Variants in DOC2A observed in about 807,000 individuals in gnomAD.
DOC2A encodes double C2 domain alpha.
DOC2A carries 28 observed loss-of-function variants against 40.6 expected under a neutral mutation model. That is an observed-to-expected ratio of 0.69 (90% confidence interval 0.51 to 0.95). DOC2A has a LOEUF of 0.95. Ranked by LOEUF, DOC2A falls within the 40% of genes least tolerant of loss-of-function variation. DOC2A has a pLI of 0.00. For synonymous variants in DOC2A, 241 were observed against 236.9 expected (o/e 1.02, Z -0.16); for missense variants, 474 against 552.5 (o/e 0.86, Z 1.42).
rs375392348 is a variant in DOC2A at position 30,006,359 on chromosome 16, C to T, written c.1058-28G>A. The T allele has an allele frequency of 1.9e-4, 304 of 1,612,538 alleles. No individual in the cohort carries two copies. The highest frequency in any genetic ancestry group is 2.5e-4 in the Non-Finnish European group (296 of 1,179,824). On this transcript the variant is annotated intron_variant, in intron 10 of 10. Transcript: ENST00000350119. This position sits in a 1 kb window ranked among gnomAD's most constrained non-coding sequence, Gnocchi z 6.2. Reference sequence around the variant, plus strand: ...GGGGAGCAGGTGGGCAGGGTCAGGGCCACCTCCCTGCCACTTGCCCGCCCT... The same window carrying T: ...GGGGAGCAGGTGGGCAGGGTCAGGGTCACCTCCCTGCCACTTGCCCGCCCT...
Position 30,009,645 on chromosome 16 carries a change from T to G in DOC2A, c.263-88A>C. On this transcript the variant is annotated intron_variant, in intron 2 of 10. Transcript: ENST00000350119. The surrounding 1 kb of genome is among the most constrained non-coding windows in gnomAD (Gnocchi z 4.1). ...GGTGGGCACTGGCTCTGTGTGTCTCTCTCTCTTGCCAGCCCGCGAGTGTGA... is the reference window on the plus strand; with the variant it reads ...GGTGGGCACTGGCTCTGTGTGTCTCGCTCTCTTGCCAGCCCGCGAGTGTGA... 8.1e-7 allele frequency: 1 copy of G among 1,236,182 alleles called. No homozygotes were observed. Among genetic ancestry groups the G allele is most frequent in the Non-Finnish European group, 1.1e-6 (1 of 870,032 alleles). The allele number at this position is 1,236,182 out of a possible 1,614,324, so 76.6% of individuals were successfully genotyped here.
upstream of DOC2A, chr16:30,013,576 C>T (rs1211607109): frequency 1.6e-5 from 2 of 121,420 alleles, no homozygotes; most frequent in African/African-American, 7.0e-5. Context: ...TGCACTCCAG[C>T]CTGGGTAACA....
chr16:30,010,009 T>C lies in DOC2A; in HGVS notation c.214A>G (p.Thr72Ala). ...TCCACCTCCGCACCATCCTCAGGCG[T>C]GGTGGCCCCAAGGAGGGCTGCAGGG... ...APPAALLGATTPEDGAEVDSY... is the reference protein window; with the variant it reads ...APPAALLGATAPEDGAEVDSY... Residue 72 changes from threonine (T) to alanine (A), a missense_variant, in exon 2 of 11, where the codon ACG (threonine) becomes GCG (alanine). Coordinates refer to ENST00000350119, the MANE Select transcript of DOC2A (RefSeq NM_003586.3). The surrounding 1 kb of genome is among the most constrained non-coding windows in gnomAD (Gnocchi z 4.2). 6.2e-7 allele frequency: 1 copy of C among 1,611,976 alleles called. No individual in the cohort carries two copies. The highest frequency in any genetic ancestry group is 8.5e-7 in the Non-Finnish European group (1 of 1,179,830).
chr16:30,010,296 G>A lies in DOC2A; in HGVS notation c.-13-61C>T. On this transcript the variant is annotated intron_variant, in intron 1 of 10. Transcript: ENST00000350119. The surrounding 1 kb of genome is among the most constrained non-coding windows in gnomAD (Gnocchi z 4.2). ...ACCTAGCCATCCTGGCTGAGGGCCA[G>A]GCGACGGCCTCCTCGGTCTGTGGGG... 1 of 1,601,084 alleles carries A rather than the reference G, an allele frequency of 6.2e-7. No individual in the cohort carries two copies. The highest frequency in any genetic ancestry group is 8.5e-7 in the Non-Finnish European group (1 of 1,177,284).
chr16:30,011,286 G>A (rs936034341), upstream of DOC2A: 8 of 977,970 alleles, frequency 8.2e-6, no homozygotes, highest in Non-Finnish European at 9.7e-6. Flanking sequence ...ACGTGTGCAC[G>A]CTCACACCCT....
chr16:30,010,986 C>G lies in DOC2A; in HGVS notation c.-97G>C. On this transcript the variant is annotated 5_prime_UTR_variant, in exon 1 of 11. Transcript: ENST00000350119. This position sits in a 1 kb window ranked among gnomAD's most constrained non-coding sequence, Gnocchi z 4.2. ...GCGGCCGGCGAGGAGAGCGCGGAGT[C>G]GAGCTGTGCGAGCCGAGAGGGAGGG... is the stretch of plus-strand genomic sequence containing the variant. 1 of 997,716 alleles carries G rather than the reference C, an allele frequency of 1.0e-6. No homozygotes were observed. The highest frequency in any genetic ancestry group is 1.2e-6 in the Non-Finnish European group (1 of 837,018). 61.8% of individuals were successfully genotyped at this position (997,716 alleles called of 1,614,324 possible).
upstream of DOC2A, among the ~76,000 whole-genome samples, chr16:30,017,278 CA>C (rs34047589): frequency 0.52 from 65,453 of 124,808 alleles, 14,762 homozygotes; most frequent in African/African-American, 0.56. Context: ...GACCCTGTCT[CA>C]AAAAAAAAAA....
Position 30,006,250 on chromosome 16 carries a change from A to T in DOC2A, c.1139T>A (p.Leu380Gln), listed in dbSNP as rs1160000509. 2 of 1,595,850 alleles carry T rather than the reference A, an allele frequency of 1.3e-6. No individual in the cohort carries two copies. Among genetic ancestry groups the T allele is most frequent in the Middle Eastern group, 3.5e-4 (2 of 5,650 alleles). ...ACTGGTCAGGGTGTGCCAGCGCTCC[A>T]GGGCTGCGTCCGGCTGCTGCAGGCA... ...SDCLQQPDAA[L>Q]ERWHTLTSEL... The change falls in exon 11 of 11, where the codon CTG becomes CAG. Residue 380 changes from leucine (L) to glutamine (Q), a missense_variant. Physicochemically the swap from Leu to Gln is moderately radical, Grantham distance 113 (BLOSUM62 -2). Transcript: ENST00000350119. The surrounding 1 kb of genome is among the most constrained non-coding windows in gnomAD (Gnocchi z 6.2).
Position 30,011,005 on chromosome 16 carries a change from G to A in DOC2A, c.-116C>T. The A allele has an allele frequency of 1.0e-6, 1 of 990,816 alleles. No homozygotes were observed. The highest frequency in any genetic ancestry group is 1.2e-6 in the Non-Finnish European group (1 of 832,366). 61.4% of individuals were successfully genotyped at this position (990,816 alleles called of 1,614,324 possible). A position where few individuals can be genotyped will look rare whatever the true frequency, so the allele number is the denominator to read the frequency against. ...CGGAGTCGAGCTGTGCGAGCCGAGA[G>A]GGAGGGAGCGCCGAGAAAGTGCGGG... On this transcript the variant is annotated 5_prime_UTR_variant, in exon 1 of 11. Transcript: ENST00000350119.
intron 5 of DOC2A, 68 bp from the exon 6 acceptor site, chr16:30,007,367 C>T: frequency 6.2e-7 from 1 of 1,607,218 alleles, no homozygotes; most frequent in Non-Finnish European, 8.5e-7. Flanking sequence ...TAGGAAGGGC[C>T]TTGGACCAGC....
rs1421226336 is a variant in DOC2A, at chr16:30,010,086, CCGCCCCCTT to C, written c.128_136del (p.Glu43_Gly45del). The stretch of plus-strand genomic sequence containing the variant: ...GGCGGGGGCCTCCCCGCCGCCCCCG[CCGCCCCCTT>C]CAGGTCCTGGTCCCCGGGGGAAGTA... On this transcript the variant is annotated inframe_deletion, in exon 2 of 11. Coordinates refer to ENST00000350119, the MANE Select transcript of DOC2A (RefSeq NM_003586.3). The surrounding 1 kb of genome is among the most constrained non-coding windows in gnomAD (Gnocchi z 4.2). 1 of 1,612,418 alleles carries C rather than the reference CCGCCCCCTT, an allele frequency of 6.2e-7. No homozygotes were observed. Among genetic ancestry groups the C allele is most frequent in the Admixed American group, 1.7e-5 (1 of 59,992 alleles).
At chr16:30,018,711 G>A (rs2070881194) in intron 1 of DOC2A, 2 of 152,174 alleles carry the variant, frequency 1.3e-5, no homozygotes, top group Non-Finnish European at 2.9e-5. Flanking sequence ...TCCAAGGAGA[G>A]GTCTGGGCTG....
In DOC2A at chr16:30,009,357, G is replaced by T. The variant is rs2070710527; in HGVS notation, c.343-81C>A. On this transcript the variant is annotated intron_variant, in intron 3 of 10. Transcript: ENST00000350119. The surrounding 1 kb of genome is among the most constrained non-coding windows in gnomAD (Gnocchi z 4.1). ...TCTTGTAGAGCTGGACCCTGGAGGA[G>T]CCCAGAAGGAGGGGGCAAGGGCAGG... 6.7e-7 allele frequency: 1 copy of T among 1,501,748 alleles called. No individual in the cohort carries two copies. The allele number at this position is 1,501,748 out of a possible 1,614,324, so 93.0% of individuals were successfully genotyped here.
chr16:30,007,248 CT>C lies in DOC2A; in HGVS notation c.578del (p.Glu193GlyfsTer37). Reference protein sequence around the residue: ...DKLSHNEFIGEIRVPLRRLKP... With the variant: ...DKLSHNEFIGXIRVPLRRLKP... ...TGAGGCGGCGGAGGGGCACGCGGATCTCCCCAATAAACTCATTGTGACTCAG... is the reference window on the plus strand; with the variant it reads ...TGAGGCGGCGGAGGGGCACGCGGATCCCCCAATAAACTCATTGTGACTCAG... On this transcript the variant is annotated frameshift_variant, in exon 6 of 11. Coordinates refer to ENST00000350119, the MANE Select transcript of DOC2A (RefSeq NM_003586.3). LOFTEE classifies it high-confidence loss of function. 1 of 1,614,026 alleles carries C rather than the reference CT, an allele frequency of 6.2e-7. No individual in the cohort carries two copies.
At chr16:30,015,667 C>T (rs1487665159), upstream of DOC2A, among the ~76,000 whole-genome samples, 1 of 148,466 alleles carries the variant, frequency 6.7e-6, no homozygotes, top group Non-Finnish European at 1.5e-5. Flanking sequence ...TCCTTCCTTC[C>T]TTCCTTTCTT....
chr16:30,011,133 A>C (rs1245577235), upstream of DOC2A: 2 of 718,474 alleles, frequency 2.8e-6, no homozygotes, highest in Non-Finnish European at 3.4e-6. Context: ...TCGGACTCCC[A>C]CCCGGGGCCC....
chr16:30,009,725 C>T lies in DOC2A; in HGVS notation c.263-168G>A, dbSNP rs1303963397. ...TGTGCGTCTGGGTCCCTGGCTCGGC[C>T]GCAACTGGGGCTGTGTGGGTGGTGG... On this transcript the variant is annotated intron_variant, in intron 2 of 10. Coordinates refer to ENST00000350119, the MANE Select transcript of DOC2A (RefSeq NM_003586.3). The surrounding 1 kb of genome is among the most constrained non-coding windows in gnomAD (Gnocchi z 4.1). 1.3e-5 allele frequency among the ~76,000 whole-genome samples: 2 copies of T among 152,056 alleles called. No individual in the cohort carries two copies. Among genetic ancestry groups the T allele is most frequent in the Admixed American group, 6.5e-5 (1 of 15,268 alleles).
In DOC2A at chr16:30,020,524, T is replaced by C. The variant is rs190617819; in HGVS notation, c.-376+659A>G. ...GAGTTTGAGACCAGCCTGGGCAACA[T>C]AGCAAGACTCCATCTCTGCAAAGAA... On this transcript the variant is annotated intron_variant, in intron 1 of 5. Coordinates refer to the DOC2A transcript ENST00000574405. 2.9e-3 allele frequency among the ~76,000 whole-genome samples: 442 copies of C among 150,724 alleles called. 1 individual carries two copies. The highest frequency in any genetic ancestry group is 0.01 in the Middle Eastern group (3 of 290).
In DOC2A at chr16:30,009,586, C is replaced by CGGTATGGAGACAGGTGTGT; in HGVS notation, c.263-48_263-30dup. 1 of 1,542,766 alleles carries CGGTATGGAGACAGGTGTGT rather than the reference C, an allele frequency of 6.5e-7. No individual in the cohort carries two copies. The highest frequency in any genetic ancestry group is 8.8e-7 in the Non-Finnish European group (1 of 1,140,912). On this transcript the variant is annotated intron_variant, in intron 2 of 10. Transcript: ENST00000350119. This position sits in a 1 kb window ranked among gnomAD's most constrained non-coding sequence, Gnocchi z 4.1. ...GAGAGAGAGGAAAGGCAGCATGGGT[C>CGGTATGGAGACAGGTGTGT]GGTATGGAGACAGGTGTGTGCGAGA...
Sources: allele counts gnomAD v4.1 joint callset (sites outside exome capture counted in the v4.1 genomes callset), GRCh38; gene constraint gnomAD v4.1.1; non-coding constraint Gnocchi (gnomAD v3.1); transcripts MANE v1.5; gene names NCBI Gene and HGNC (gene_info 2026-07-23, HGNC 2026-07-21).